RHBG: variants seen among roughly 807,000 people sequenced by gnomAD.
RHBG encodes Rh family B glycoprotein, also known as ammonium transporter Rh type B.
Under a neutral mutation model 40.1 loss-of-function variants are expected in RHBG, and 39 were observed. The ratio of observed to expected loss-of-function variants is 0.97; its 90% CI spans 0.75 to 1.27. RHBG has a LOEUF of 1.27. Ranked by LOEUF, RHBG falls within the 50% of genes most tolerant of loss-of-function variation. The pLI is 0.00. For missense variants in RHBG, 549 were observed against 588.1 expected, an observed-to-expected ratio of 0.93 and a Z score of 0.69; for synonymous variants, 237 against 252.5, an observed-to-expected ratio of 0.94 and a Z score of 0.58.
rs143640290 is a variant in RHBG at position 156,380,329 on chromosome 1, G to A, written c.674-1018G>A. Among the ~76,000 whole-genome samples the A allele has an allele frequency of 8.0e-4, 122 of 151,800 alleles. 2 individuals carry two copies. In the East Asian group the frequency reaches 0.019, roughly 24 times the overall value. Reference sequence around the variant, plus strand: ...GTTGGTTAGGCTGGTCTCGAACCCCGAACCTTGTGATCCGCCTGCCTCGAG... The same window carrying A: ...GTTGGTTAGGCTGGTCTCGAACCCCAAACCTTGTGATCCGCCTGCCTCGAG... On this transcript the variant is annotated intron_variant, in intron 4 of 9. Coordinates refer to ENST00000537040, the MANE Select transcript of RHBG (RefSeq NM_020407.5).
At chr1:156,372,056 A>G (rs1373292877) in intron 1 of RHBG, among the ~76,000 whole-genome samples, 1 of 152,104 alleles carries the variant, frequency 6.6e-6, no homozygotes, top group Non-Finnish European at 1.5e-5. Flanking sequence ...TGCCCAAGGG[A>G]AGGGGTCAGG....
chr1:156,369,362 A>G lies in RHBG; in HGVS notation c.113A>G (p.His38Arg). Reference sequence around the variant, plus strand: ...TTTGCTGTCTTTGTCCGCTACAACCACAAAACCGACGCTGCCCTCTGGCAC... The same window carrying G: ...TTTGCTGTCTTTGTCCGCTACAACCGCAAAACCGACGCTGCCCTCTGGCAC... ...VLFAVFVRYN[H>R]KTDAALWHRS... is the part of the protein sequence containing the mutation. Residue 38 changes from histidine to arginine, a missense_variant, in exon 1 of 10, where the codon CAC becomes CGC. Physicochemically the swap from His to Arg is conservative, Grantham distance 29 (BLOSUM62 0). Coordinates refer to ENST00000537040, the MANE Select transcript of RHBG (RefSeq NM_020407.5). The G allele has an allele frequency of 6.2e-7, 1 of 1,614,110 alleles. No individual in the cohort carries two copies. The highest frequency in any genetic ancestry group is 1.3e-5 in the African/African-American group (1 of 75,034).
In RHBG at chr1:156,381,823, A is replaced by G. The variant is rs372493218; in HGVS notation, c.858A>G (p.Ala286=). The G allele has an allele frequency of 3.2e-6, 5 of 1,585,022 alleles. No individual in the cohort carries two copies. The African/African-American group carries it at 5.5e-5, about 17-fold the overall frequency. Residue 286 remains alanine, a synonymous_variant, in exon 6 of 10, where the codon GCA becomes GCG. Coordinates refer to ENST00000537040, the MANE Select transcript of RHBG (RefSeq NM_020407.5). ...GRLDMVHIQN[A]ALAGGVVVGT... ...TCCCTTAGGTCCACATCCAAAATGC[A>G]GCGCTGGCTGGAGGGGTTGTGGTGG...
chr1:156,384,698 C>A, intron 9 of RHBG, 79 bp from the exon 10 acceptor site: 1 of 1,540,158 alleles, frequency 6.5e-7, no homozygotes, highest in Non-Finnish European at 8.9e-7. Context: ...TGCTCCTTCT[C>A]CTCTGGGGTA....
At chr1:156,380,214 A>G (rs1257011263) in intron 4 of RHBG, among the ~76,000 whole-genome samples, 1 of 148,808 alleles carries the variant, frequency 6.7e-6, no homozygotes, top group Non-Finnish European at 1.5e-5. Context: ...AGGTTCAAGC[A>G]ATTCTCCTGC....
chr1:156,377,786 C>G lies in RHBG; in HGVS notation c.375-204C>G, dbSNP rs1472363179. Among the ~76,000 whole-genome samples, 1 of 152,162 alleles carries G rather than the reference C, an allele frequency of 6.6e-6. No individual in the cohort carries two copies. Among genetic ancestry groups the G allele is most frequent in the Non-Finnish European group, 1.5e-5 (1 of 68,000 alleles). On this transcript the variant is annotated intron_variant, in intron 2 of 9. Coordinates refer to ENST00000537040, the MANE Select transcript of RHBG (RefSeq NM_020407.5). The surrounding 1 kb of genome is among the most constrained non-coding windows in gnomAD (Gnocchi z 4.6). Reference sequence around the variant, plus strand: ...TTTGTCAGATGAGTCACAGAACCTCCTTGAGACTCGACTTCCTCATCTACA... The same window carrying G: ...TTTGTCAGATGAGTCACAGAACCTCGTTGAGACTCGACTTCCTCATCTACA...
intron 1 of RHBG, among the ~76,000 whole-genome samples, chr1:156,375,171 A>G (rs1667101154): frequency 6.6e-6 from 1 of 152,106 alleles, no homozygotes; most frequent in Non-Finnish European, 1.5e-5. Flanking sequence ...TCCCGGGTCA[A>G]GCGATTCTAC....
At chr1:156,373,473 C>A (rs528423922) in intron 1 of RHBG, among the ~76,000 whole-genome samples, 1 of 149,914 alleles carries the variant, frequency 6.7e-6, no homozygotes, top group East Asian at 2.0e-4. Context: ...GTGGGGTGGG[C>A]ATCAGACTCC....
chr1:156,381,525 A>G lies in RHBG; in HGVS notation c.840+12A>G, dbSNP rs1279812161. ...GGAGGCTTGACATGGTATGGGGAAG[A>G]GGACTTCAGAGAGGCAGAGGGGGTG... On this transcript the variant is annotated intron_variant, in intron 5 of 9. Coordinates refer to ENST00000537040, the MANE Select transcript of RHBG (RefSeq NM_020407.5). The G allele has an allele frequency of 6.3e-7, 1 of 1,595,340 alleles. No individual in the cohort carries two copies. Among genetic ancestry groups the G allele is most frequent in the South Asian group, 1.1e-5 (1 of 87,762 alleles).
Position 156,383,724 on chromosome 1 carries a change from T to TCAC in RHBG, c.1235-802_1235-800dup. On this transcript the variant is annotated intron_variant, in intron 8 of 9. Coordinates refer to ENST00000537040, the MANE Select transcript of RHBG (RefSeq NM_020407.5). ...TTGTATTTTTAGTAGAGATGGGGAT[T>TCAC]CACTGTGTTAGCCAGGATGGTCTCA... 3.3e-5 allele frequency among the ~76,000 whole-genome samples: 5 copies of TCAC among 150,092 alleles called. No homozygotes were observed. The Admixed American group carries it at 3.3e-4, about 10-fold the overall frequency.
At chr1:156,370,784 T>A (rs962140020) in intron 1 of RHBG, among the ~76,000 whole-genome samples, 1 of 152,020 alleles carries the variant, frequency 6.6e-6, no homozygotes, top group Non-Finnish European at 1.5e-5. Flanking sequence ...CGATCACCCA[T>A]CATGTGAGTG....
intron 4 of RHBG, 76 bp from the exon 5 acceptor site, chr1:156,381,271 C>G (rs752442137): frequency 6.8e-7 from 1 of 1,468,672 alleles, no homozygotes; most frequent in East Asian, 2.3e-5. Flanking sequence ...AGGTGATTTG[C>G]CTGCAGTTAT....
At chr1:156,374,536 A>T in intron 1 of RHBG, 1 of 404,534 alleles carries the variant, frequency 2.5e-6, no homozygotes, top group South Asian at 1.8e-5. Flanking sequence ...GGCTTATTTC[A>T]CTTATAATGT....
rs530952982 is a variant in RHBG at position 156,377,551 on chromosome 1, C to T, written c.374+64C>T. The T allele has an allele frequency of 2.0e-5, 30 of 1,515,408 alleles. No individual in the cohort carries two copies. The South Asian group carries it at 2.3e-4, about 12-fold the overall frequency. 93.9% of individuals were successfully genotyped at this position (1,515,408 alleles called of 1,614,324 possible). On this transcript the variant is annotated intron_variant, in intron 2 of 9. Coordinates refer to ENST00000537040, the MANE Select transcript of RHBG (RefSeq NM_020407.5). This position sits in a 1 kb window ranked among gnomAD's most constrained non-coding sequence, Gnocchi z 4.6. ...TCGGGAGGCCCCTGCCCATGGGCCC[C>T]GGATCTAGCCCTGTCCTTCAAGTCT...
At chr1:156,380,788 T>C (rs1667570572) in intron 4 of RHBG, among the ~76,000 whole-genome samples, 1 of 151,960 alleles carries the variant, frequency 6.6e-6, no homozygotes, top group Non-Finnish European at 1.5e-5. Flanking sequence ...TAGTTTCTTT[T>C]TGGGCCAGTG....
intron 8 of RHBG, 52 bp downstream of exon 8, chr1:156,382,921 GA>G: frequency 6.2e-7 from 1 of 1,610,524 alleles, no homozygotes; most frequent in Non-Finnish European, 8.5e-7. Context: ...CTATAAGCCT[GA>G]CATGAATTCA....
At chr1:156,371,086 G>A in intron 1 of RHBG, 1 of 397,322 alleles carries the variant, frequency 2.5e-6, no homozygotes. Context: ...TCAGTTTAAA[G>A]GAGATACATT....
chr1:156,381,276 A>G (rs1260878772), intron 4 of RHBG, 71 bp from the exon 5 acceptor site: 1 of 1,510,946 alleles, frequency 6.6e-7, no homozygotes, highest in Non-Finnish European at 9.1e-7. Context: ...ATTTGCCTGC[A>G]GTTATACAAC....
Position 156,377,200 on chromosome 1 carries a change from C to T in RHBG, c.188-101C>T, listed in dbSNP as rs569914515. On this transcript the variant is annotated intron_variant, in intron 1 of 9. Coordinates refer to ENST00000537040, the MANE Select transcript of RHBG (RefSeq NM_020407.5). The surrounding 1 kb of genome is among the most constrained non-coding windows in gnomAD (Gnocchi z 4.6). ...TTTATAGGCTCGGCTCAAGGCAGCC[C>T]TGGCTGGTGAGAGCCAGGGGCACTG... 7.4e-7 allele frequency: 1 copy of T among 1,347,814 alleles called. No individual in the cohort carries two copies. Among genetic ancestry groups the T allele is most frequent in the African/African-American group, 1.4e-5 (1 of 69,380 alleles). 83.5% of individuals were successfully genotyped at this position (1,347,814 alleles called of 1,614,324 possible).
Sources: allele counts gnomAD v4.1 joint callset (sites outside exome capture counted in the v4.1 genomes callset), GRCh38; gene constraint gnomAD v4.1.1; non-coding constraint Gnocchi (gnomAD v3.1); transcripts MANE v1.5; gene names NCBI Gene and HGNC (gene_info 2026-07-23, HGNC 2026-07-21).